The following FAM184B variants were observed in gnomAD, a reference collection of about 807,000 sequenced individuals.
FAM184B encodes the protein protein FAM184B.
Under a neutral mutation model 135.9 loss-of-function variants are expected in FAM184B, and 111 were observed. That is an observed-to-expected ratio of 0.82 (90% CI 0.70 to 0.96). The LOEUF (loss-of-function observed/expected upper bound fraction) is 0.96. Among genes scored for constraint, FAM184B ranks in the 40% least tolerant of loss-of-function variants. The pLI, the probability that FAM184B is intolerant of heterozygous loss-of-function variation, is 0.00. For missense variants in FAM184B, 1,375 were observed against 1,323.9 expected (o/e 1.04, Z -0.60); for synonymous variants, 552 against 524.8 (o/e 1.05, Z -0.71).
chr4:17,750,841 T>C (rs767918562), intron 1 of FAM184B, among the ~76,000 whole-genome samples: 6 of 152,160 alleles, frequency 3.9e-5, no homozygotes, highest in Non-Finnish European at 7.3e-5. Context: ...TCCCCCTGCC[T>C]AGACCCAGGG....
At position 17,709,348 on chromosome 4, in the gene FAM184B, C is replaced by A. The variant is rs990399450; in HGVS notation, c.438G>T (p.Thr146=). Residue 146 remains threonine (T), a synonymous_variant, in exon 2 of 18, where the codon ACG becomes ACT. Coordinates refer to ENST00000265018, the MANE Select transcript of FAM184B (RefSeq NM_015688.2). ...VEAEHAERVL[T]LSREMLELKA... ...TGAGCTCCAGCATTTCCCTGGAGAG[C>A]GTGAGGACTCGCTCGGCGTGCTCTG... 1.4e-5 allele frequency: 22 copies of A among 1,548,860 alleles called. No individual in the cohort carries two copies. Among genetic ancestry groups the A allele is most frequent in the Admixed American group, 2.0e-5 (1 of 50,826 alleles).
intron 14 of FAM184B, among the ~76,000 whole-genome samples, chr4:17,637,657 G>C (rs149107062): frequency 4.6e-4 from 50 of 108,522 alleles, no homozygotes; most frequent in Middle Eastern, 4.5e-3. Context: ...TGGATGATTT[G>C]CTTTGTATTG....
chr4:17,679,553 T>C (rs1051210326), intron 7 of FAM184B, among the ~76,000 whole-genome samples: 3 of 152,152 alleles, frequency 2.0e-5, no homozygotes, highest in African/African-American at 7.2e-5. Context: ...AAAGAGAACA[T>C]TTTTACAGTG....
chr4:17,728,873 C>T (rs1412074870), intron 1 of FAM184B, among the ~76,000 whole-genome samples: 2 of 152,208 alleles, frequency 1.3e-5, no homozygotes, highest in Non-Finnish European at 2.9e-5. Flanking sequence ...CCGGGTTCAT[C>T]TCACTAGGGA....
intron 1 of FAM184B, among the ~76,000 whole-genome samples, chr4:17,766,113 G>A (rs982051024): frequency 1.1e-4 from 16 of 152,232 alleles, no homozygotes; most frequent in African/African-American, 2.2e-4. Flanking sequence ...GCAAGATTGG[G>A]AAGGTAACCT....
At chr4:17,640,724 A>G (rs1250048997) in intron 13 of FAM184B, among the ~76,000 whole-genome samples, 1 of 152,202 alleles carries the variant, frequency 6.6e-6, no homozygotes, top group Non-Finnish European at 1.5e-5. Context: ...TAAGAAATAG[A>G]TAATATGAAA....
At chr4:17,773,935 C>G (rs1718871677) in intron 1 of FAM184B, among the ~76,000 whole-genome samples, 1 of 152,130 alleles carries the variant, frequency 6.6e-6, no homozygotes, top group African/African-American at 2.4e-5. Context: ...CACTCATTTT[C>G]TTGTTTTAAT....
intron 6 of FAM184B, among the ~76,000 whole-genome samples, chr4:17,690,597 C>T (rs185800666): frequency 1.1e-3 from 169 of 152,204 alleles, no homozygotes; most frequent in Non-Finnish European, 2.0e-3. Flanking sequence ...GCAAGGCTAT[C>T]GGAAAGTCCT....
chr4:17,776,418 C>T (rs1207050516), intron 1 of FAM184B, among the ~76,000 whole-genome samples: 2 of 152,222 alleles, frequency 1.3e-5, no homozygotes, highest in East Asian at 1.9e-4. Flanking sequence ...AATGGAGTTT[C>T]ACTCTTGTTG....
chr4:17,747,635 T>G (rs1443538130), intron 1 of FAM184B, among the ~76,000 whole-genome samples: 1 of 151,444 alleles, frequency 6.6e-6, no homozygotes, highest in Non-Finnish European at 1.5e-5. Flanking sequence ...CTATTAAAAA[T>G]TCAAGGCCGG....
chr4:17,636,695 CAA>C (rs1191766884), intron 14 of FAM184B, 50 bp from the exon 15 acceptor site: 2 of 1,403,978 alleles, frequency 1.4e-6, no homozygotes, highest in East Asian at 2.5e-5. Flanking sequence ...AATTACTCAA[CAA>C]AGAGGGAGAA....
Position 17,652,893 on chromosome 4 carries a change from T to G in FAM184B, c.2128A>C (p.Lys710Gln). The G allele has an allele frequency of 2.6e-6, 4 of 1,551,758 alleles. No homozygotes were observed. The highest frequency in any genetic ancestry group is 3.5e-6 in the Non-Finnish European group (4 of 1,146,996). Residue 710 changes from lysine (K) to glutamine (Q), a missense_variant, in exon 11 of 18, where the codon AAG (lysine) becomes CAG (glutamine). Physicochemically the swap from Lys to Gln is moderately conservative, Grantham distance 53. Transcript: ENST00000265018. ...TCCTCCTGCAGCTCTTGCCTGGCCT[T>G]TTCCTCCAAGGCCTGGAGCTCCAGT... The part of the protein sequence containing the change: ...HRLELQALEE[K>Q]ARQELQEERE...
chr4:17,642,388 G>A (rs929067138), intron 12 of FAM184B, among the ~76,000 whole-genome samples, 160 bp from the exon 13 acceptor site: 13 of 152,202 alleles, frequency 8.5e-5, no homozygotes, highest in African/African-American at 2.9e-4. Flanking sequence ...CTCCCATCTA[G>A]TCTCTTAAAA....
intron 4 of FAM184B, among the ~76,000 whole-genome samples, chr4:17,705,451 A>G (rs1162842495): frequency 6.6e-6 from 1 of 152,242 alleles, no homozygotes; most frequent in Non-Finnish European, 1.5e-5. Context: ...ATACTATGGT[A>G]GATTTTAAAT....
chr4:17,660,737 A>C (rs9291659), intron 8 of FAM184B, among the ~76,000 whole-genome samples: 80,176 of 151,096 alleles, frequency 0.53, 23,431 homozygotes, highest in East Asian at 0.83. Flanking sequence ...TGAGAATTTC[A>C]AGTGTGATCG....
intron 1 of FAM184B, among the ~76,000 whole-genome samples, chr4:17,760,292 C>T (rs897961417): frequency 2.6e-5 from 4 of 151,884 alleles, no homozygotes; most frequent in African/African-American, 9.7e-5. Flanking sequence ...GGTGAAAACC[C>T]ATCTCTACTA....
chr4:17,640,039 C>T (rs1039796498), intron 13 of FAM184B, among the ~76,000 whole-genome samples: 2 of 150,458 alleles, frequency 1.3e-5, no homozygotes, highest in Non-Finnish European at 3.0e-5. Flanking sequence ...ACCATGTTGG[C>T]CAGGCTAGTC....
chr4:17,693,714 T>C (rs1167273775), intron 5 of FAM184B, among the ~76,000 whole-genome samples: 1 of 152,150 alleles, frequency 6.6e-6, no homozygotes, highest in African/African-American at 2.4e-5. Flanking sequence ...ACTAACAAAC[T>C]TGTCAGTGTC....
chr4:17,767,641 G>T (rs919715634), intron 1 of FAM184B, among the ~76,000 whole-genome samples: 2 of 152,258 alleles, frequency 1.3e-5, no homozygotes, highest in Admixed American at 1.3e-4. Context: ...CTTGGATCAG[G>T]CTGGAACAGT....
Sources: allele counts gnomAD v4.1 joint callset (sites outside exome capture counted in the v4.1 genomes callset), GRCh38; gene constraint gnomAD v4.1.1; transcripts MANE v1.5; gene names NCBI Gene and HGNC (gene_info 2026-07-23, HGNC 2026-07-21).